Variants in PKD1L1 observed in about 807,000 individuals in gnomAD.
PKD1L1 encodes the protein polycystin 1 like 1, transient receptor potential channel interacting, also known as polycystin-1-like protein 1.
A neutral mutation model predicts 323.4 loss-of-function variants in PKD1L1; 236 were observed. The observed-to-expected ratio is 0.73, with a 90% confidence interval of 0.66 to 0.81. The LOEUF (loss-of-function observed/expected upper bound fraction) is 0.81. PKD1L1 is among the 40% of genes least tolerant of loss of function. The pLI is 0.00. For synonymous variants in PKD1L1, 1,344 were observed against 1,335.0 expected, an observed-to-expected ratio of 1.01 and a Z score of -0.15; for missense variants, 3,320 against 3,508.0, an observed-to-expected ratio of 0.95 and a Z score of 1.35.
Position 47,846,894 on chromosome 7 carries a change from T to C in PKD1L1, c.5138A>G (p.Glu1713Gly), listed in dbSNP as rs200250943. 6.2e-7 allele frequency: 1 copy of C among 1,602,340 alleles called. No individual in the cohort carries two copies. Among genetic ancestry groups the C allele is most frequent in the Non-Finnish European group, 8.5e-7 (1 of 1,177,112 alleles). ...RFSPQPGTSP[E>G]KVNCSYHRLA... is the part of the protein sequence containing the mutation. ...GTGTCTATACCTGCAGTTCACTTTT[T>C]CAGGAGAAGTCCCTGGTTGTGGAGA... Residue 1713 changes from glutamate (E) to glycine (G), a missense_variant, in exon 32 of 57, where the codon GAA (glutamate) becomes GGA (glycine). Transcript: ENST00000289672.
intron 15 of PKD1L1, among the ~76,000 whole-genome samples, chr7:47,892,344 A>G (rs1786838091): frequency 6.6e-6 from 1 of 152,294 alleles, no homozygotes; most frequent in East Asian, 1.9e-4. Context: ...GGTAAGTCCA[A>G]GGAGGGGCAG....
chr7:47,784,853 T>C (rs6970275), intron 56 of PKD1L1, among the ~76,000 whole-genome samples: 42,385 of 152,128 alleles, frequency 0.28, 6,240 homozygotes, highest in East Asian at 0.57. Context: ...AATTCAGAAG[T>C]ACTCAGCTAC....
chr7:47,866,344 T>C, intron 25 of PKD1L1, 75 bp downstream of exon 25: 1 of 1,482,048 alleles, frequency 6.7e-7, no homozygotes, highest in Non-Finnish European at 9.2e-7. Context: ...CACTTGCTAG[T>C]GAGCCAGCCA....
At chr7:47,959,623 C>A in the PKD1L1 span, among the ~76,000 whole-genome samples, 1 of 116,064 alleles carries the variant, frequency 8.6e-6, no homozygotes, top group Non-Finnish European at 2.0e-5. Context: ...CCCCTCCGCC[C>A]GGCAGCCACC....
chr7:47,811,760 G>A (rs1162443405), intron 50 of PKD1L1, 57 bp downstream of exon 50: 11 of 1,429,780 alleles, frequency 7.7e-6, no homozygotes, highest in African/African-American at 1.4e-5. Flanking sequence ...GCCCAGCCCA[G>A]GTGAAGCCCC....
At chr7:47,863,627 G>A (rs905948575) in intron 26 of PKD1L1, among the ~76,000 whole-genome samples, 5 of 152,182 alleles carry the variant, frequency 3.3e-5, no homozygotes, top group African/African-American at 1.2e-4. Context: ...AGAATGGGGA[G>A]CAGAAGGTGT....
intron 56 of PKD1L1, among the ~76,000 whole-genome samples, chr7:47,785,107 CTG>C (rs1450171150): frequency 2.0e-5 from 3 of 152,166 alleles, no homozygotes; most frequent in Non-Finnish European, 4.4e-5. Flanking sequence ...TAGGAATATA[CTG>C]GTCCTTAACA....
At chr7:47,915,328 C>T (rs1482965487) in intron 8 of PKD1L1, 104 bp downstream of exon 8, 2 of 691,056 alleles carry the variant, frequency 2.9e-6, no homozygotes, top group Non-Finnish European at 5.3e-6. Flanking sequence ...GAGTGTATAG[C>T]CAATCACTAA....
chr7:47,847,454 G>A (rs1468009579), intron 31 of PKD1L1, among the ~76,000 whole-genome samples: 10 of 152,098 alleles, frequency 6.6e-5, no homozygotes, highest in African/African-American at 9.7e-5. Context: ...CCTGCTCCTC[G>A]CCAGTTTGTC....
intron 56 of PKD1L1, among the ~76,000 whole-genome samples, chr7:47,790,032 C>T (rs1394233778): frequency 6.7e-6 from 1 of 150,258 alleles, no homozygotes; most frequent in Non-Finnish European, 1.5e-5. Context: ...GGGACTACAG[C>T]CGCGTGCCAT....
At chr7:47,892,847 G>T (rs897932946) in intron 15 of PKD1L1, among the ~76,000 whole-genome samples, 8 of 152,044 alleles carry the variant, frequency 5.3e-5, no homozygotes, top group Non-Finnish European at 1.5e-5. Flanking sequence ...AATGTACCGG[G>T]GGTAGGGGAG....
At chr7:47,881,841 A>G (rs1254216473) in intron 20 of PKD1L1, 68 bp downstream of exon 20, 15 of 1,453,150 alleles carry the variant, frequency 1.0e-5, no homozygotes, top group South Asian at 1.5e-5. Flanking sequence ...TTCAGAAGAA[A>G]TTGAGGGCTG....
intron 31 of PKD1L1, among the ~76,000 whole-genome samples, chr7:47,851,525 G>T (rs573118075): frequency 6.6e-6 from 1 of 152,170 alleles, no homozygotes; most frequent in South Asian, 2.1e-4. Context: ...ATTCATGGTG[G>T]AATTAGCAAA....
At position 47,923,137 on chromosome 7, in the gene PKD1L1, A is replaced by T. The variant is rs1234182815; in HGVS notation, c.1060+6067T>A. ...TTAAACAGATGCTTGAAGGCAGCAT[A>T]CTCGTTAAGAGTCGTCACCACTCCC... On this transcript the variant is annotated intron_variant, in intron 7 of 56. Transcript: ENST00000289672. Among the ~76,000 whole-genome samples the T allele has an allele frequency of 2.6e-5, 4 of 152,022 alleles. No individual in the cohort carries two copies. The South Asian group carries it at 6.2e-4, about 24-fold the overall frequency.
chr7:47,927,868 G>A (rs1273452861), intron 7 of PKD1L1, among the ~76,000 whole-genome samples: 1 of 152,166 alleles, frequency 6.6e-6, no homozygotes, highest in Non-Finnish European at 1.5e-5. Flanking sequence ...ACATACACAT[G>A]TAATTATTCA....
At chr7:47,912,859 A>ACAAT (rs1418134195) in intron 8 of PKD1L1, among the ~76,000 whole-genome samples, 1 of 151,542 alleles carries the variant, frequency 6.6e-6, no homozygotes, top group Non-Finnish European at 1.5e-5. Context: ...AATTCTCATG[A>ACAAT]CAATCACAGA....
intron 15 of PKD1L1, among the ~76,000 whole-genome samples, chr7:47,892,639 C>G (rs992593672): frequency 6.6e-6 from 1 of 152,116 alleles, no homozygotes; most frequent in Admixed American, 6.5e-5. Flanking sequence ...ATTAACAGTC[C>G]AGACTTTAAC....
intron 54 of PKD1L1, among the ~76,000 whole-genome samples, chr7:47,799,210 G>A (rs1262214836): frequency 6.6e-6 from 1 of 152,160 alleles, no homozygotes; most frequent in African/African-American, 2.4e-5. Context: ...GTGGATAGGT[G>A]GACAGGTAAC....
intron 13 of PKD1L1, among the ~76,000 whole-genome samples, chr7:47,899,193 A>G (rs566936941): frequency 6.6e-6 from 1 of 152,204 alleles, no homozygotes; most frequent in Non-Finnish European, 1.5e-5. Flanking sequence ...AGATGCTCCA[A>G]GTAGCCCATC....
Sources: allele counts gnomAD v4.1 joint callset (sites outside exome capture counted in the v4.1 genomes callset), GRCh38; gene constraint gnomAD v4.1.1; transcripts MANE v1.5; gene names NCBI Gene and HGNC (gene_info 2026-07-23, HGNC 2026-07-21).